JAKMIP3: variants seen among roughly 807,000 people sequenced by gnomAD.
The protein encoded by JAKMIP3 is janus kinase and microtubule-interacting protein 3.
Under a neutral mutation model 118.5 loss-of-function variants are expected in JAKMIP3, and 58 were observed. The ratio of observed to expected loss-of-function variants is 0.49; its 90% CI spans 0.40 to 0.61. The LOEUF (loss-of-function observed/expected upper bound fraction) is 0.61. Among genes scored for constraint, JAKMIP3 ranks in the 20% least tolerant of loss-of-function variants. The pLI is 0.00. For synonymous variants in JAKMIP3, 486 were observed against 451.2 expected (o/e 1.08, Z -0.98); for missense variants, 950 against 1,109.0 (o/e 0.86, Z 2.04).
chr10:132,153,550 G>A (rs1368884306), intron 17 of JAKMIP3, among the ~76,000 whole-genome samples: 6 of 152,172 alleles, frequency 3.9e-5, no homozygotes, highest in Admixed American at 6.5e-5. Flanking sequence ...AAGGTGTCAG[G>A]GGTAGACTTC....
intron 23 of JAKMIP3, among the ~76,000 whole-genome samples, chr10:132,176,131 C>A (rs535021462): frequency 2.6e-5 from 4 of 152,204 alleles, no homozygotes; most frequent in Non-Finnish European, 5.9e-5. Context: ...GATCTGCCCC[C>A]CAGCACCTGC....
chr10:132,144,765 CA>C (rs913349953), intron 11 of JAKMIP3: 1 of 204,596 alleles, frequency 4.9e-6, no homozygotes. Context: ...CCCGTCTCTA[CA>C]AAAAATACAA....
intron 1 of JAKMIP3, among the ~76,000 whole-genome samples, chr10:132,048,893 G>A (rs373218318): frequency 2.0e-5 from 3 of 152,012 alleles, no homozygotes; most frequent in Non-Finnish European, 4.4e-5. Context: ...GCCTGCCTTC[G>A]CCTCCCAAAG....
rs2053603330 is a variant in JAKMIP3 at position 132,142,025 on chromosome 10, C to G, written c.1579C>G (p.Leu527Val). Residue 527 changes from leucine to valine, a missense_variant, in exon 11 of 24, where the codon CTG (leucine) becomes GTG (valine). Transcript: ENST00000684848. ...ALLQEQVGGT[L>V]DAEREVKTRE... The stretch of plus-strand genomic sequence containing the variant: ...GTTGCAGGAGCAGGTTGGAGGGACG[C>G]TGGACGCAGAGCGAGAAGTTAAGGT... The G allele has an allele frequency of 2.5e-6, 4 of 1,608,596 alleles. No individual in the cohort carries two copies. In the African/African-American group the frequency reaches 5.3e-5, roughly 22 times the overall value.
upstream of JAKMIP3, among the ~76,000 whole-genome samples, chr10:132,062,091 G>A (rs2038414743): frequency 1.3e-5 from 2 of 152,212 alleles, no homozygotes; most frequent in South Asian, 4.2e-4. Context: ...CATGGATGAT[G>A]AGCACGCCAC....
Position 132,036,919 on chromosome 10 carries a change from C to A in JAKMIP3, c.-138+181C>A, listed in dbSNP as rs1050003606. Among the ~76,000 whole-genome samples, 15 of 152,140 alleles carry A rather than the reference C, an allele frequency of 9.9e-5. 1 individual carries two copies. The highest frequency in any genetic ancestry group is 9.8e-4 in the Admixed American group (15 of 15,284). The stretch of plus-strand genomic sequence containing the variant: ...GGGGCGGGGTCCTCCTTGCCTCTCC[C>A]GGCGGTCCCCCCGTGGGCGGGTCCT... On this transcript the variant is annotated intron_variant, in intron 1 of 23. Transcript: ENST00000657785.
At chr10:132,133,588 T>C in intron 4 of JAKMIP3, 61 bp downstream of exon 4, 2 of 1,391,978 alleles carry the variant, frequency 1.4e-6, no homozygotes, top group African/African-American at 1.4e-5. Flanking sequence ...GCCATGTGGC[T>C]GCATGGCCCT....
At chr10:132,091,153 A>G (rs2043040136) in intron 1 of JAKMIP3, among the ~76,000 whole-genome samples, 2 of 152,172 alleles carry the variant, frequency 1.3e-5, no homozygotes, top group African/African-American at 2.4e-5. Flanking sequence ...ACAGTTTGTT[A>G]TAATTTCTGT....
At chr10:132,114,829 G>A (rs766708540) in intron 2 of JAKMIP3, among the ~76,000 whole-genome samples, 8 of 152,202 alleles carry the variant, frequency 5.3e-5, no homozygotes, top group Non-Finnish European at 1.2e-4. Flanking sequence ...TTTCTAACAC[G>A]TCATCAAAAG....
intron 1 of JAKMIP3, among the ~76,000 whole-genome samples, chr10:132,051,697 C>T (rs1190146870): frequency 6.6e-6 from 1 of 152,078 alleles, no homozygotes; most frequent in Non-Finnish European, 1.5e-5. Flanking sequence ...ACCTCCTGGG[C>T]TCAAGCCATC....
chr10:132,071,249 A>G (rs1564865326), intron 1 of JAKMIP3, among the ~76,000 whole-genome samples: 1 of 147,996 alleles, frequency 6.8e-6, no homozygotes, highest in South Asian at 2.2e-4. Context: ...TTTCTCGTTC[A>G]ATTTCTTTTT....
upstream of JAKMIP3, among the ~76,000 whole-genome samples, chr10:132,064,433 G>A (rs567908631): frequency 3.9e-5 from 6 of 152,244 alleles, no homozygotes; most frequent in Non-Finnish European, 7.4e-5. The surrounding 1 kb of genome is among the most constrained non-coding windows in gnomAD (Gnocchi z 4.4). Flanking sequence ...GGTCGGGCGT[G>A]GACCCCGAGC....
intron 1 of JAKMIP3, among the ~76,000 whole-genome samples, chr10:132,104,047 T>C (rs1038206816): frequency 1.3e-5 from 2 of 152,230 alleles, no homozygotes; most frequent in African/African-American, 2.4e-5. Flanking sequence ...TCATAGCGTG[T>C]GTCCGAATCT....
chr10:132,106,365 A>ACAAC (rs1554932374), intron 2 of JAKMIP3, among the ~76,000 whole-genome samples: 2 of 151,354 alleles, frequency 1.3e-5, no homozygotes, highest in Non-Finnish European at 2.9e-5. Flanking sequence ...TTTAAAAAAA[A>ACAAC]AAACCCACAG....
rs1554963341 is a variant in JAKMIP3 at position 132,180,730 on chromosome 10, C to CGCGCGTGTGT, written c.*1104-1626_*1104-1625insCGCGTGTGTG. Among the ~76,000 whole-genome samples the CGCGCGTGTGT allele has an allele frequency of 4.6e-4, 4 of 8,674 alleles. 1 individual carries two copies. The highest frequency in any genetic ancestry group is 2.6e-3 in the African/African-American group (4 of 1,550). 5.7% of individuals were successfully genotyped at this position (8,674 alleles called of 152,430 possible). ...GTGCGCGTGTGTGTGCGTGTGTGTGCGTGTGTGCGTGCGTGCGCGCGCGTG... is the reference window on the plus strand; with the variant it reads ...GTGCGCGTGTGTGTGCGTGTGTGTGCGCGCGTGTGTGTGTGTGCGTGCGTGCGCGCGCGTG... On this transcript the variant is annotated intron_variant, in intron 23 of 23. Transcript: ENST00000684848.
chr10:132,079,784 T>A (rs549694701), intron 1 of JAKMIP3, among the ~76,000 whole-genome samples: 1 of 152,374 alleles, frequency 6.6e-6, no homozygotes, highest in Admixed American at 6.5e-5. Flanking sequence ...TTCCATTTTC[T>A]GTTTCTATGA....
rs1013234240 is a variant in JAKMIP3, at chr10:132,174,561, G to A, written c.*1103+5528G>A. Among the ~76,000 whole-genome samples the A allele has an allele frequency of 2.6e-5, 4 of 152,258 alleles. No homozygotes were observed. The South Asian group carries it at 8.3e-4, about 32-fold the overall frequency. ...GTGGTTTCCGGTTTGGGGCAAATGT[G>A]AACAAAACTGCTATAATGTGTGACA... On this transcript the variant is annotated intron_variant, in intron 23 of 23. Transcript: ENST00000684848.
chr10:132,102,996 G>T (rs9419193), intron 1 of JAKMIP3, among the ~76,000 whole-genome samples: 21 of 149,448 alleles, frequency 1.4e-4, no homozygotes, highest in African/African-American at 3.7e-4. Flanking sequence ...AGAGGAGATG[G>T]GGGCGTGGGG....
At chr10:132,037,660 T>C (rs77279169) in intron 1 of JAKMIP3, among the ~76,000 whole-genome samples, 20,790 of 152,146 alleles carry the variant, frequency 0.14, 1,552 homozygotes, top group Middle Eastern at 0.16. Flanking sequence ...CTCCCTCAAG[T>C]AAAGGGCAAG....
Sources: gnomAD v4.1 joint callset for allele counts (sites outside exome capture counted in the v4.1 genomes callset) on GRCh38, gnomAD v4.1.1 for gene constraint, Gnocchi (gnomAD v3.1) non-coding constraint, MANE v1.5 for transcripts, NCBI Gene and HGNC (gene_info 2026-07-23, HGNC 2026-07-21) for gene names.